Variants in CAMSAP3 observed in about 807,000 individuals in gnomAD.
CAMSAP3 encodes calmodulin-regulated spectrin-associated protein 3.
Under a neutral mutation model 112.5 loss-of-function variants are expected in CAMSAP3, and 34 were observed. The observed-to-expected ratio is 0.30, with a 90% CI of 0.23 to 0.40. The LOEUF is 0.40. Ranked by LOEUF, CAMSAP3 falls within the 10% of genes least tolerant of loss-of-function variation. The pLI, the probability that CAMSAP3 is intolerant of heterozygous loss-of-function variation, is 1.00. For synonymous variants in CAMSAP3, 868 were observed against 799.8 expected, an observed-to-expected ratio of 1.09 and a Z score of -1.44; for missense variants, 1,602 against 1,770.3, an observed-to-expected ratio of 0.90 and a Z score of 1.71.
Position 7,613,173 on chromosome 19 carries a change from C to T in CAMSAP3, c.2670+10C>T, listed in dbSNP as rs760140966. On this transcript the variant is annotated intron_variant, in intron 11 of 16. Coordinates refer to ENST00000160298, the MANE Select transcript of CAMSAP3 (RefSeq NM_020902.2). ...GGGGTTCTTCTACAAGGTGAGTCCCCGAGCAGGTGGCTGGAGGGTCCTGGG... is the reference window on the plus strand; with the variant it reads ...GGGGTTCTTCTACAAGGTGAGTCCCTGAGCAGGTGGCTGGAGGGTCCTGGG... 7.0e-6 allele frequency: 9 copies of T among 1,283,944 alleles called. No individual in the cohort carries two copies. The highest frequency in any genetic ancestry group is 1.8e-5 in the African/African-American group (1 of 54,536). 79.5% of individuals were successfully genotyped at this position (1,283,944 alleles called of 1,614,324 possible). A position where few individuals can be genotyped will look rare whatever the true frequency, so the allele number is the denominator to read the frequency against.
Position 7,611,878 on chromosome 19 carries a change from C to T in CAMSAP3, c.1385C>T (p.Ala462Val). Residue 462 changes from alanine (A) to valine (V), a missense_variant, in exon 11 of 17, where the codon GCT becomes GTT. By Grantham distance (64) the Ala-to-Val change is moderately conservative. Around this residue, in one of 6 missense-constraint regions of CAMSAP3, gnomAD observed 1,100 missense variants for 1,135.7 expected, o/e 0.97. Transcript: ENST00000160298. The surrounding 1 kb of genome is among the most constrained non-coding windows in gnomAD (Gnocchi z 6.9). ...EPGDLPTIEE[A>V]LQIIHSAEPR... ...GGTGACCTGCCCACCATCGAGGAAG[C>T]TCTGCAGATCATCCACAGTGCCGAG... The T allele has an allele frequency of 6.4e-7, 1 of 1,566,800 alleles. No homozygotes were observed. The highest frequency in any genetic ancestry group is 8.7e-7 in the Non-Finnish European group (1 of 1,154,942).
At position 7,595,894 on chromosome 19, in the gene CAMSAP3, C is replaced by CGGCGGCAGCGGCGGT; in HGVS notation, c.-108_-94dup. On this transcript the variant is annotated 5_prime_UTR_variant, in exon 1 of 17. Coordinates refer to ENST00000160298, the MANE Select transcript of CAMSAP3 (RefSeq NM_020902.2). ...GGCTCAGCAGCGGCGGCGGCGGCGG[C>CGGCGGCAGCGGCGGT]GGCGGCAGCGGCGGTAGCAGCAGCG... 1 of 456,030 alleles carries CGGCGGCAGCGGCGGT rather than the reference C, an allele frequency of 2.2e-6. No homozygotes were observed. The highest frequency in any genetic ancestry group is 2.9e-6 in the Non-Finnish European group (1 of 348,120). The allele number at this position is 456,030 out of a possible 1,614,324, so 28.2% of individuals were successfully genotyped here. A position where few individuals can be genotyped will look rare whatever the true frequency, so the allele number is the denominator to read the frequency against.
At chr19:7,601,734 A>G (rs2029975841) in intron 1 of CAMSAP3, among the ~76,000 whole-genome samples, 1 of 150,160 alleles carries the variant, frequency 6.7e-6, no homozygotes, top group Admixed American at 6.6e-5. Flanking sequence ...AAATAAAATA[A>G]AATAAAATAA....
Position 7,607,934 on chromosome 19 carries a change from GC to G in CAMSAP3, c.622-191del. On this transcript the variant is annotated intron_variant, in intron 4 of 16. Coordinates refer to ENST00000160298, the MANE Select transcript of CAMSAP3 (RefSeq NM_020902.2). The surrounding 1 kb of genome is among the most constrained non-coding windows in gnomAD (Gnocchi z 4.9). ...CCCAGCCCCCGCTGCTGGCCTGGCT[GC>G]TCGAAGACATCTCCTCTGCCTCTTG... 1 of 831,656 alleles carries G rather than the reference GC, an allele frequency of 1.2e-6. No homozygotes were observed. The highest frequency in any genetic ancestry group is 2.0e-6 in the Non-Finnish European group (1 of 495,332). The allele number at this position is 831,656 out of a possible 1,614,324, so 51.5% of individuals were successfully genotyped here.
Position 7,612,084 on chromosome 19 carries a change from C to T in CAMSAP3, c.1591C>T (p.Pro531Ser). The T allele has an allele frequency of 6.2e-7, 1 of 1,609,352 alleles. No individual in the cohort carries two copies. The highest frequency in any genetic ancestry group is 8.5e-7 in the Non-Finnish European group (1 of 1,176,934). The change falls in exon 11 of 17, where the codon CCC (proline) becomes TCC (serine). Residue 531 changes from proline to serine, a missense_variant. Pro to Ser is a moderately conservative substitution (Grantham distance 74). Around this residue, in one of 6 missense-constraint regions of CAMSAP3, gnomAD observed 1,100 missense variants for 1,135.7 expected, o/e 0.97. Transcript: ENST00000160298. The part of the protein sequence containing the change: ...PHPETPSKPS[P>S]CLVGEASKPP... ...CCCCGAGACCCCCTCGAAACCATCT[C>T]CCTGTCTGGTGGGGGAGGCATCGAA...
chr19:7,610,307 G>C lies in CAMSAP3; in HGVS notation c.761-169G>C, dbSNP rs1028767230. Among the ~76,000 whole-genome samples the C allele has an allele frequency of 4.1e-5, 6 of 144,744 alleles. No individual in the cohort carries two copies. Among genetic ancestry groups the C allele is most frequent in the Non-Finnish European group, 9.0e-5 (6 of 66,712 alleles). 95.0% of individuals were successfully genotyped at this position (144,744 alleles called of 152,430 possible). ...CACTACAGCCTGGGTGACAGAGCGA[G>C]ACTCCATCTCAAAAAAAAAAAAAAA... On this transcript the variant is annotated intron_variant, in intron 5 of 16. Coordinates refer to ENST00000160298, the MANE Select transcript of CAMSAP3 (RefSeq NM_020902.2). The surrounding 1 kb of genome is among the most constrained non-coding windows in gnomAD (Gnocchi z 4.9).
chr19:7,615,593 A>G lies in CAMSAP3; in HGVS notation c.2986A>G (p.Lys996Glu). 2 of 1,491,646 alleles carry G rather than the reference A, an allele frequency of 1.3e-6. No individual in the cohort carries two copies. The highest frequency in any genetic ancestry group is 1.8e-6 in the Non-Finnish European group (2 of 1,120,922). The allele number at this position is 1,491,646 out of a possible 1,614,324, so 92.4% of individuals were successfully genotyped here. A position where few individuals can be genotyped will look rare whatever the true frequency, so the allele number is the denominator to read the frequency against. The change falls in exon 13 of 17, where the codon AAG becomes GAG. Residue 996 changes from lysine to glutamate, a missense_variant. Coordinates refer to ENST00000160298, the MANE Select transcript of CAMSAP3 (RefSeq NM_020902.2). This position sits in a 1 kb window ranked among gnomAD's most constrained non-coding sequence, Gnocchi z 6.5. ...GCTGAAGCTGATGGACGACCTCGATAAGGTGCTGCGGCCCCGGGCTGCGGG... is the reference window on the plus strand; with the variant it reads ...GCTGAAGCTGATGGACGACCTCGATGAGGTGCTGCGGCCCCGGGCTGCGGG... ...AQLKLMDDLD[K>E]VLRPRAAGSG...
In CAMSAP3 at chr19:7,612,162, G is replaced by A; in HGVS notation, c.1669G>A (p.Ala557Thr). Reference protein sequence around the residue: ...SPKAVASSPAATNSEVKMTSF... With the variant: ...SPKAVASSPATTNSEVKMTSF... ...GAAGGCGGTGGCTTCGTCCCCAGCA[G>A]CCACCAACTCCGAGGTGAAAATGAC... Residue 557 changes from alanine (A) to threonine (T), a missense_variant, in exon 11 of 17, where the codon GCC becomes ACC. Around this residue, in one of 6 missense-constraint regions of CAMSAP3, gnomAD observed 1,100 missense variants for 1,135.7 expected, o/e 0.97. Coordinates refer to ENST00000160298, the MANE Select transcript of CAMSAP3 (RefSeq NM_020902.2). 1 of 1,612,142 alleles carries A rather than the reference G, an allele frequency of 6.2e-7. No individual in the cohort carries two copies. Among genetic ancestry groups the A allele is most frequent in the Non-Finnish European group, 8.5e-7 (1 of 1,179,680 alleles).
chr19:7,616,716 A>T, intron 14 of CAMSAP3, 94 bp downstream of exon 14: 3 of 876,200 alleles, frequency 3.4e-6, no homozygotes, highest in Non-Finnish European at 5.6e-6. Context: ...AGAGGGCGGT[A>T]TGGCTCGAGT....
In CAMSAP3 at chr19:7,596,065, C is replaced by T; in HGVS notation, c.63C>T (p.Ile21=). 7.8e-7 allele frequency: 1 copy of T among 1,284,780 alleles called. No individual in the cohort carries two copies. Among genetic ancestry groups the T allele is most frequent in the Non-Finnish European group, 1.0e-6 (1 of 988,730 alleles). 79.6% of individuals were successfully genotyped at this position (1,284,780 alleles called of 1,614,324 possible). A position where few individuals can be genotyped will look rare whatever the true frequency, so the allele number is the denominator to read the frequency against. Residue 21 remains isoleucine (I), a synonymous_variant, in exon 1 of 17, where the codon ATC becomes ATT. Coordinates refer to ENST00000160298, the MANE Select transcript of CAMSAP3 (RefSeq NM_020902.2). ...GGAGGACCTTTCTAGTGCCCGAGAT[C>T]AAGTCGCTGGACCAGTACGATTTCT... ...PLRRTFLVPE[I]KSLDQYDFSR... is the part of the protein sequence containing the mutation.
Position 7,615,440 on chromosome 19 carries a change from G to A in CAMSAP3, c.2833G>A (p.Gly945Ser), listed in dbSNP as rs2030728595. 1.3e-6 allele frequency: 2 copies of A among 1,541,106 alleles called. No homozygotes were observed. The highest frequency in any genetic ancestry group is 1.7e-6 in the Non-Finnish European group (2 of 1,146,116). The change falls in exon 13 of 17, where the codon GGC becomes AGC. Residue 945 changes from glycine (G) to serine (S), a missense_variant. Gly to Ser is a moderately conservative substitution (Grantham distance 56). Coordinates refer to ENST00000160298, the MANE Select transcript of CAMSAP3 (RefSeq NM_020902.2). The surrounding 1 kb of genome is among the most constrained non-coding windows in gnomAD (Gnocchi z 6.5). ...CAGGCTGGCCCAAGAGGAGGCCCCG[G>A]GCCCAGCCCCGCTTGTGTCCGCAGT... ...AARLAQEEAP[G>S]PAPLVSAVPM... is the part of the protein sequence containing the mutation.
intron 14 of CAMSAP3, 35 bp downstream of exon 14, chr19:7,616,657 C>T (rs771883278): frequency 2.1e-5 from 31 of 1,506,800 alleles, no homozygotes; most frequent in Admixed American, 1.3e-4. Flanking sequence ...GTTCGTATGC[C>T]GGGTGGCTTC....
chr19:7,596,646 C>T (rs1475386303), intron 1 of CAMSAP3, among the ~76,000 whole-genome samples: 3 of 152,230 alleles, frequency 2.0e-5, no homozygotes, highest in East Asian at 3.9e-4. Flanking sequence ...TCCACCACCG[C>T]ACGACCCCCA....
At position 7,618,173 on chromosome 19, in the gene CAMSAP3, G is replaced by A; in HGVS notation, c.*116G>A. 8.5e-7 allele frequency: 1 copy of A among 1,172,566 alleles called. No individual in the cohort carries two copies. The highest frequency in any genetic ancestry group is 1.2e-6 in the Non-Finnish European group (1 of 845,932). 72.6% of individuals were successfully genotyped at this position (1,172,566 alleles called of 1,614,324 possible). A position where few individuals can be genotyped will look rare whatever the true frequency, so the allele number is the denominator to read the frequency against. ...TCCCCAACCGTGTCTGGGTGGGGCT[G>A]GAGTCTCCACCCTCTGACTTTGAGT... is the stretch of plus-strand genomic sequence containing the variant. On this transcript the variant is annotated 3_prime_UTR_variant, in exon 17 of 17. Coordinates refer to ENST00000160298, the MANE Select transcript of CAMSAP3 (RefSeq NM_020902.2).
Position 7,615,446 on chromosome 19 carries a change from GC to G in CAMSAP3, c.2843del (p.Pro948ArgfsTer41). 6.5e-7 allele frequency: 1 copy of G among 1,541,046 alleles called. No homozygotes were observed. Among genetic ancestry groups the G allele is most frequent in the Non-Finnish European group, 8.7e-7 (1 of 1,146,214 alleles). On this transcript the variant is annotated frameshift_variant, in exon 13 of 17. Coordinates refer to ENST00000160298, the MANE Select transcript of CAMSAP3 (RefSeq NM_020902.2). LOFTEE classifies it high-confidence loss of function. The surrounding 1 kb of genome is among the most constrained non-coding windows in gnomAD (Gnocchi z 6.5). ...RLAQEEAPGP[A>X]PLVSAVPMAT... ...GGCCCAAGAGGAGGCCCCGGGCCCAGCCCCGCTTGTGTCCGCAGTCCCGATG... is the reference window on the plus strand; with the variant it reads ...GGCCCAAGAGGAGGCCCCGGGCCCAGCCCGCTTGTGTCCGCAGTCCCGATG...
chr19:7,611,014 G>T lies in CAMSAP3; in HGVS notation c.1050-81G>T. The T allele has an allele frequency of 6.3e-7, 1 of 1,590,376 alleles. No homozygotes were observed. The highest frequency in any genetic ancestry group is 2.2e-5 in the East Asian group (1 of 44,632). On this transcript the variant is annotated intron_variant, in intron 8 of 16. Coordinates refer to ENST00000160298, the MANE Select transcript of CAMSAP3 (RefSeq NM_020902.2). This position sits in a 1 kb window ranked among gnomAD's most constrained non-coding sequence, Gnocchi z 6.9. ...CCTTGCTGAGCACTGGGACGCAGCT[G>T]GGTGATGCTGTTGTCTCCCCCCGGG...
Position 7,611,915 on chromosome 19 carries a change from C to T in CAMSAP3, c.1422C>T (p.Leu474=). Residue 474 remains leucine (L), a synonymous_variant, in exon 11 of 17, where the codon CTC becomes CTT. Transcript: ENST00000160298. The surrounding 1 kb of genome is among the most constrained non-coding windows in gnomAD (Gnocchi z 6.9). The part of the protein sequence containing the change: ...QIIHSAEPRL[L]PDGAADGSFY... ...TCCACAGTGCCGAGCCCCGGCTCCTCCCAGATGGGGCGGCCGACGGCAGCT... is the reference window on the plus strand; with the variant it reads ...TCCACAGTGCCGAGCCCCGGCTCCTTCCAGATGGGGCGGCCGACGGCAGCT... 2 of 1,587,160 alleles carry T rather than the reference C, an allele frequency of 1.3e-6. No homozygotes were observed. The highest frequency in any genetic ancestry group is 2.3e-5 in the South Asian group (2 of 88,792).
chr19:7,611,794 G>A lies in CAMSAP3; in HGVS notation c.1301G>A (p.Ser434Asn), dbSNP rs2030502772. 1 of 1,597,510 alleles carries A rather than the reference G, an allele frequency of 6.3e-7. No individual in the cohort carries two copies. Among genetic ancestry groups the A allele is most frequent in the Non-Finnish European group, 8.5e-7 (1 of 1,172,662 alleles). The change falls in exon 11 of 17, where the codon AGC (serine) becomes AAC (asparagine). Residue 434 changes from serine to asparagine, a missense_variant. Ser to Asn is a conservative substitution (Grantham distance 46). This residue lies in a region of CAMSAP3 where 1,100 missense variants were observed against 1,135.7 expected (regional missense o/e 0.97). Coordinates refer to ENST00000160298, the MANE Select transcript of CAMSAP3 (RefSeq NM_020902.2). This position sits in a 1 kb window ranked among gnomAD's most constrained non-coding sequence, Gnocchi z 6.9. ...PVLLRSVSSD[S>N]LGPPRPAPAR... ...CTCCTCCGCTCTGTGAGCTCGGACA[G>A]CCTGGGCCCCCCGCGTCCCGCGCCG...
In CAMSAP3 at chr19:7,596,093, C is replaced by T. The variant is rs867885917; in HGVS notation, c.91C>T (p.Arg31Trp). ...GTCGCTGGACCAGTACGATTTCTCG[C>T]GGGCCAAGGCGGCGGCCAGCCTGGC... ...IKSLDQYDFS[R>W]AKAAASLAWV... is the part of the protein sequence containing the mutation. The change falls in exon 1 of 17, where the codon CGG (arginine) becomes TGG (tryptophan). Residue 31 changes from arginine to tryptophan, a missense_variant. By Grantham distance (101) the Arg-to-Trp change is moderately radical. Coordinates refer to ENST00000160298, the MANE Select transcript of CAMSAP3 (RefSeq NM_020902.2). 1.6e-6 allele frequency: 2 copies of T among 1,249,318 alleles called. No homozygotes were observed. Among genetic ancestry groups the T allele is most frequent in the Non-Finnish European group, 2.1e-6 (2 of 967,450 alleles). 77.4% of individuals were successfully genotyped at this position (1,249,318 alleles called of 1,614,324 possible). A position where few individuals can be genotyped will look rare whatever the true frequency, so the allele number is the denominator to read the frequency against.
Sources: allele counts gnomAD v4.1 joint callset (sites outside exome capture counted in the v4.1 genomes callset), GRCh38; gene constraint gnomAD v4.1.1; regional missense constraint gnomAD v4.1.1; non-coding constraint Gnocchi (gnomAD v3.1); transcripts MANE v1.5; gene names NCBI Gene and HGNC (gene_info 2026-07-23, HGNC 2026-07-21).